KCNK9: variants seen among roughly 807,000 people sequenced by gnomAD.
KCNK9 encodes potassium channel subfamily K member 9.
KCNK9 carries 1 observed loss-of-function variant against 10.8 expected under a neutral mutation model. The ratio of observed to expected loss-of-function variants is 0.09; its 90% confidence interval spans 0.03 to 0.44. The LOEUF (loss-of-function observed/expected upper bound fraction) is 0.44. Ranked by LOEUF, KCNK9 falls within the 20% of genes least tolerant of loss-of-function variation. The probability of loss-of-function intolerance (pLI) is 0.97; values close to 1 mark genes in which losing one functional copy is unlikely to be tolerated. For synonymous variants in KCNK9, 231 were observed against 222.7 expected (o/e 1.04, Z -0.33); for missense variants, 303 against 515.0 (o/e 0.59, Z 3.98).
At chr8:139,675,232 G>GGGAGGGGA (rs1417278282) in intron 1 of KCNK9, among the ~76,000 whole-genome samples, 1 of 152,214 alleles carries the variant, frequency 6.6e-6, no homozygotes, top group Non-Finnish European at 1.5e-5. Context: ...TGAAAAGGGT[G>GGGAGGGGA]GGAGGGGAGG....
downstream of KCNK9, among the ~76,000 whole-genome samples, chr8:139,610,697 T>G (rs1262897475): frequency 6.6e-6 from 1 of 152,182 alleles, no homozygotes; most frequent in Non-Finnish European, 1.5e-5. Context: ...TCTAGATGGA[T>G]AGTGCCTCCC....
chr8:139,618,755 T>C lies in KCNK9; in HGVS notation c.628A>G (p.Thr210Ala). The change falls in exon 2 of 2, where the codon ACC becomes GCC. Residue 210 changes from threonine to alanine, a missense_variant. By Grantham distance (58) the Thr-to-Ala change is moderately conservative. Transcript: ENST00000520439. This position sits in a 1 kb window ranked among gnomAD's most constrained non-coding sequence, Gnocchi z 7.9. ...GGCTTCTTCTGCAGGGCACCCTTGGTCTGCAGGGCCACGTAGTCCCCGAAC... is the reference window on the plus strand; with the variant it reads ...GGCTTCTTCTGCAGGGCACCCTTGGCCTGCAGGGCCACGTAGTCCCCGAAC... ...IGFGDYVALQ[T>A]KGALQKKPLY... is the part of the protein sequence containing the mutation. 2.5e-6 allele frequency: 4 copies of C among 1,614,140 alleles called. No homozygotes were observed. The highest frequency in any genetic ancestry group is 3.4e-6 in the Non-Finnish European group (4 of 1,180,028).
intron 1 of KCNK9, among the ~76,000 whole-genome samples, chr8:139,636,257 G>T (rs1257446110): frequency 6.6e-6 from 1 of 152,238 alleles, no homozygotes; most frequent in East Asian, 1.9e-4. Flanking sequence ...GAGAGGCTAA[G>T]TACCCTGTCA....
intron 1 of KCNK9, among the ~76,000 whole-genome samples, chr8:139,634,923 G>C (rs1443763176): frequency 6.6e-6 from 1 of 152,106 alleles, no homozygotes; most frequent in Admixed American, 6.5e-5. Flanking sequence ...TGTTGCCTGG[G>C]TGATGAGCGG....
intron 1 of KCNK9, among the ~76,000 whole-genome samples, chr8:139,683,965 T>C (rs953740134): frequency 1.3e-5 from 2 of 152,238 alleles, no homozygotes; most frequent in Non-Finnish European, 2.9e-5. Context: ...ATAACCCTTC[T>C]GACCTTTGCC....
At chr8:139,672,405 G>A (rs764503622) in intron 1 of KCNK9, among the ~76,000 whole-genome samples, 1 of 152,194 alleles carries the variant, frequency 6.6e-6, no homozygotes, top group South Asian at 2.1e-4. Context: ...TAACTGCTCA[G>A]ACAATGTTCT....
intron 2 of KCNK9, among the ~76,000 whole-genome samples, chr8:139,604,366 G>GGA (rs1415214691): frequency 6.6e-6 from 1 of 152,174 alleles, no homozygotes; most frequent in African/African-American, 2.4e-5. Flanking sequence ...AAAGCAGGCT[G>GGA]GAGAGGCACC....
chr8:139,616,061 T>TCAA (rs905235645), downstream of KCNK9: 1 of 152,154 alleles, frequency 6.6e-6, no homozygotes, highest in Non-Finnish European at 1.5e-5. Flanking sequence ...CTCAGTTCTG[T>TCAA]CAACAGCCAG....
chr8:139,619,111 G>A lies in KCNK9; in HGVS notation c.284-12C>T. 1 of 1,613,756 alleles carries A rather than the reference G, an allele frequency of 6.2e-7. No homozygotes were observed. The highest frequency in any genetic ancestry group is 8.5e-7 in the Non-Finnish European group (1 of 1,179,990). On this transcript the variant is annotated splice_polypyrimidine_tract_variant and intron_variant, in intron 1 of 1. Coordinates refer to ENST00000520439, the MANE Select transcript of KCNK9 (RefSeq NM_001282534.2). Reference sequence around the variant, plus strand: ...AGCGTGCCCATAACCTGTGGGAAGGGGATGAGAAGAACAGAGAGAGCAAGT... The same window carrying A: ...AGCGTGCCCATAACCTGTGGGAAGGAGATGAGAAGAACAGAGAGAGCAAGT...
chr8:139,696,474 C>A (rs1619829), intron 1 of KCNK9, among the ~76,000 whole-genome samples: 85,337 of 152,070 alleles, frequency 0.56, 23,992 homozygotes, highest in Admixed American at 0.62. Flanking sequence ...TTCATGGAGG[C>A]CATTGAGGCA....
At chr8:139,651,187 A>T (rs932362938) in intron 1 of KCNK9, among the ~76,000 whole-genome samples, 2 of 152,182 alleles carry the variant, frequency 1.3e-5, no homozygotes, top group Non-Finnish European at 2.9e-5. Flanking sequence ...GTTCCCCAAA[A>T]TATGCCAGGT....
intron 1 of KCNK9, among the ~76,000 whole-genome samples, chr8:139,697,002 T>A (rs987146245): frequency 6.9e-6 from 1 of 145,300 alleles, no homozygotes; most frequent in Non-Finnish European, 1.5e-5. Context: ...AATGGGTGGA[T>A]GGGTGGACGG....
chr8:139,602,896 C>G (rs1686799367), intron 2 of KCNK9, among the ~76,000 whole-genome samples: 1 of 152,210 alleles, frequency 6.6e-6, no homozygotes, highest in African/African-American at 2.4e-5. Flanking sequence ...ACCTCACATT[C>G]TTTACATGGT....
intron 1 of KCNK9, among the ~76,000 whole-genome samples, chr8:139,682,972 C>A (rs1020837241): frequency 2.0e-5 from 3 of 152,166 alleles, no homozygotes; most frequent in Non-Finnish European, 4.4e-5. Context: ...AGAGCATTTC[C>A]AATGTCCAGG....
rs771203947 is a variant in KCNK9 at position 139,619,069 on chromosome 8, G to A, written c.314C>T (p.Ala105Val). ...GYGHAAPGTD[A>V]GKAFCMFYAV... The stretch of plus-strand genomic sequence containing the variant: ...GTAGAACATGCAGAAGGCCTTGCCC[G>A]CATCGGTGCCAGGTGCAGCGTGCCC... The change falls in exon 2 of 2, where the codon GCG (alanine) becomes GTG (valine). Residue 105 changes from alanine (A) to valine (V), a missense_variant. Physicochemically the swap from Ala to Val is moderately conservative, Grantham distance 64. Around this residue, in one of 5 missense-constraint regions of KCNK9, gnomAD observed 22 missense variants for 86.5 expected, o/e 0.25. Coordinates refer to ENST00000520439, the MANE Select transcript of KCNK9 (RefSeq NM_001282534.2). 1.9e-6 allele frequency: 3 copies of A among 1,614,120 alleles called. No individual in the cohort carries two copies. Among genetic ancestry groups the A allele is most frequent in the South Asian group, 1.1e-5 (1 of 91,060 alleles).
In KCNK9 at chr8:139,619,020, T is replaced by A. The variant is rs780561134; in HGVS notation, c.363A>T (p.Thr121=). 12 of 1,614,138 alleles carry A rather than the reference T, an allele frequency of 7.4e-6. No individual in the cohort carries two copies. In the East Asian group the frequency reaches 1.6e-4, roughly 21 times the overall value. Reference sequence around the variant, plus strand: ...CGCCCAGGCTCTGGAACATGACCAGTGTCAGCGGGATGCCCAGCACGGCGT... The same window carrying A: ...CGCCCAGGCTCTGGAACATGACCAGAGTCAGCGGGATGCCCAGCACGGCGT... ...MFYAVLGIPL[T]LVMFQSLGER... Residue 121 remains threonine, a synonymous_variant, in exon 2 of 2, where the codon ACA becomes ACT. Transcript: ENST00000520439.
intron 1 of KCNK9, among the ~76,000 whole-genome samples, chr8:139,673,809 C>G (rs1816489843): frequency 6.6e-6 from 1 of 152,082 alleles, no homozygotes; most frequent in African/African-American, 2.4e-5. Context: ...CCTCCCCACC[C>G]CTGCAGAGAG....
intron 1 of KCNK9, among the ~76,000 whole-genome samples, chr8:139,625,308 G>A (rs1487047045): frequency 2.0e-5 from 3 of 152,218 alleles, no homozygotes; most frequent in East Asian, 1.9e-4. Flanking sequence ...AAGGCTGGGG[G>A]CTCCCAGGAC....
chr8:139,660,868 T>C (rs7822827), intron 1 of KCNK9, among the ~76,000 whole-genome samples: 1 of 151,916 alleles, frequency 6.6e-6, no homozygotes, highest in Non-Finnish European at 1.5e-5. Flanking sequence ...GCCTAAGAGC[T>C]AGCTGGTAGA....
Sources: gnomAD v4.1 joint callset for allele counts (sites outside exome capture counted in the v4.1 genomes callset) on GRCh38, gnomAD v4.1.1 for gene constraint, gnomAD v4.1.1 regional missense constraint, Gnocchi (gnomAD v3.1) non-coding constraint, MANE v1.5 for transcripts, NCBI Gene and HGNC (gene_info 2026-07-23, HGNC 2026-07-21) for gene names.